ADCK5: variants seen among roughly 807,000 people sequenced by gnomAD.
ADCK5 encodes uncharacterized aarF domain-containing protein kinase 5.
A neutral mutation model predicts 64.9 loss-of-function variants in ADCK5; 43 were observed. The observed-to-expected ratio is 0.66, with a 90% CI of 0.52 to 0.85. The LOEUF (loss-of-function observed/expected upper bound fraction) is 0.85, where lower values mean the gene tolerates loss of function less well. ADCK5 is among the 40% of genes least tolerant of loss of function. ADCK5 has a pLI of 0.00. For synonymous variants in ADCK5, 434 were observed against 342.8 expected (o/e 1.27, Z -2.94); for missense variants, 760 against 810.5 (o/e 0.94, Z 0.76).
At chr8:144,374,933 C>G (rs1385432050) in intron 1 of ADCK5, among the ~76,000 whole-genome samples, 2 of 152,244 alleles carry the variant, frequency 1.3e-5, no homozygotes, top group Non-Finnish European at 2.9e-5. Context: ...TTACCCACCC[C>G]CTTCCAGAAG....
chr8:144,383,537 C>T (rs1286319365), intron 3 of ADCK5, among the ~76,000 whole-genome samples: 1 of 152,166 alleles, frequency 6.6e-6, no homozygotes, highest in Non-Finnish European at 1.5e-5. Flanking sequence ...GCGCTCCAGC[C>T]CTGGGCCCGT....
chr8:144,377,999 C>T (rs1346369411), intron 1 of ADCK5, among the ~76,000 whole-genome samples: 4 of 152,166 alleles, frequency 2.6e-5, no homozygotes, highest in Non-Finnish European at 4.4e-5. Context: ...TGGGTCCCAT[C>T]CCAGATGAGC....
intron 2 of ADCK5, among the ~76,000 whole-genome samples, chr8:144,381,201 A>G (rs1208582600): frequency 2.0e-5 from 3 of 147,570 alleles, no homozygotes; most frequent in Non-Finnish European, 4.5e-5. Context: ...ACTCAGGATT[A>G]TGGGCCGGGT....
rs372812691 is a variant in ADCK5 at position 144,392,040 on chromosome 8, G to A, written c.1096+18G>A. 49 of 1,612,602 alleles carry A rather than the reference G, an allele frequency of 3.0e-5. No individual in the cohort carries two copies. Among genetic ancestry groups the A allele is most frequent in the Non-Finnish European group, 4.0e-5 (47 of 1,180,000 alleles). On this transcript the variant is annotated intron_variant, in intron 10 of 14. Coordinates refer to ENST00000308860, the MANE Select transcript of ADCK5 (RefSeq NM_174922.5). ...TGGCAACGGTAGGAATTTACCCCAG[G>A]GGTGGGGGTCTCAGGGTGGGCGCAG...
rs1295291719 is a variant in ADCK5 at position 144,391,880 on chromosome 8, G to A, written c.1014+14G>A. On this transcript the variant is annotated intron_variant, in intron 9 of 14. Coordinates refer to ENST00000308860, the MANE Select transcript of ADCK5 (RefSeq NM_174922.5). ...GCAGTGCATGACGTGAGTGCGGGGG[G>A]GCGGGGGCGGGTCAGGGCGGGCTGG... The A allele has an allele frequency of 6.3e-7, 1 of 1,597,556 alleles. No individual in the cohort carries two copies. Among genetic ancestry groups the A allele is most frequent in the Non-Finnish European group, 8.5e-7 (1 of 1,174,962 alleles).
In ADCK5 at chr8:144,392,181, G is replaced by A; in HGVS notation, c.1175+11G>A. 6.5e-7 allele frequency: 1 copy of A among 1,550,356 alleles called. No homozygotes were observed. The highest frequency in any genetic ancestry group is 8.7e-7 in the Non-Finnish European group (1 of 1,151,454). ...GTTCCTGGAGGAGAAGTGAGCGCGG[G>A]TGGGTGGGCGTGGGGCAGGGCAAGC... On this transcript the variant is annotated intron_variant, in intron 11 of 14. Transcript: ENST00000308860.
In ADCK5 at chr8:144,392,809, C is replaced by T; in HGVS notation, c.1554C>T (p.Ala518=). The T allele has an allele frequency of 6.3e-7, 1 of 1,592,562 alleles. No homozygotes were observed. The highest frequency in any genetic ancestry group is 8.5e-7 in the Non-Finnish European group (1 of 1,174,014). The change falls in exon 14 of 15, where the codon GCC becomes GCT. Residue 518 remains alanine (A), a synonymous_variant. Transcript: ENST00000308860. ...GGGGCTGGAGCCGCCTGGCGGGCGC[C>T]ACGTATCGGGGTGTCTACGGCACCA... ...AVRGWSRLAG[A]TYRGVYGTSL... is the part of the protein sequence containing the mutation.
intron 3 of ADCK5, among the ~76,000 whole-genome samples, chr8:144,387,709 C>T (rs1350359821): frequency 6.7e-6 from 1 of 149,828 alleles, no homozygotes; most frequent in Non-Finnish European, 1.5e-5. Context: ...CTGGCCTCCA[C>T]CCAGCAGTTT....
At chr8:144,379,859 AT>A (rs1346714738) in intron 2 of ADCK5, among the ~76,000 whole-genome samples, 13 of 152,130 alleles carry the variant, frequency 8.5e-5, no homozygotes, top group African/African-American at 1.2e-4. Context: ...ATGTGGAGGG[AT>A]GGGTCTGAGC....
rs1819391037 is a variant in ADCK5, at chr8:144,376,947, TAA to T, written c.13-2439_13-2438del. ...TTTCTGTCAACCCGCCCTCTAGGGA[TAA>T]GAGGTCATGGACTTTTCCCTTTGGC... On this transcript the variant is annotated intron_variant, in intron 1 of 14. Coordinates refer to ENST00000308860, the MANE Select transcript of ADCK5 (RefSeq NM_174922.5). The surrounding 1 kb of genome is among the most constrained non-coding windows in gnomAD (Gnocchi z 5.1). 1.3e-5 allele frequency among the ~76,000 whole-genome samples: 2 copies of T among 152,252 alleles called. No homozygotes were observed. The highest frequency in any genetic ancestry group is 2.9e-5 in the Non-Finnish European group (2 of 68,040).
At chr8:144,379,264 A>T in intron 1 of ADCK5, 123 bp from the exon 2 acceptor site, 2 of 606,882 alleles carry the variant, frequency 3.3e-6, no homozygotes, top group Non-Finnish European at 5.5e-6. Context: ...GTGAGAATGG[A>T]CTCACACATT....
chr8:144,373,930 C>A (rs574667270), upstream of ADCK5: 55 of 791,910 alleles, frequency 6.9e-5, no homozygotes, highest in African/African-American at 6.3e-4. Flanking sequence ...GCTGCCCCGC[C>A]GCGGAGGCCG....
At chr8:144,379,243 T>G (rs1819497573) in intron 1 of ADCK5, 144 bp from the exon 2 acceptor site, 1 of 528,788 alleles carries the variant, frequency 1.9e-6, no homozygotes, top group Admixed American at 3.7e-5. Flanking sequence ...TGGGTAGTTC[T>G]TTAGAGCAGT....
chr8:144,390,293 A>AT (rs567343049), intron 3 of ADCK5, among the ~76,000 whole-genome samples: 94 of 152,144 alleles, frequency 6.2e-4, no homozygotes, highest in Non-Finnish European at 1.0e-3. Flanking sequence ...TGCCTGCCTA[A>AT]TTTTTTTGCA....
At chr8:144,381,830 C>G (rs375955314) in intron 2 of ADCK5, among the ~76,000 whole-genome samples, 6 of 7,420 alleles carry the variant, frequency 8.1e-4, no homozygotes, top group African/African-American at 7.8e-4. Context: ...GTGCTCAGGC[C>G]CCTGCTGCAC....
intron 3 of ADCK5, among the ~76,000 whole-genome samples, chr8:144,385,186 C>CTT (rs75146415): frequency 9.4e-5 from 13 of 138,168 alleles, no homozygotes; most frequent in Non-Finnish European, 9.5e-5. Flanking sequence ...CTTACATTTT[C>CTT]TTTTTTTTTT....
chr8:144,373,412 G>C (rs1400421902), upstream of ADCK5, among the ~76,000 whole-genome samples: 1 of 152,248 alleles, frequency 6.6e-6, no homozygotes, highest in Non-Finnish European at 1.5e-5. Context: ...AGCCAGGGCT[G>C]TCACAGAGTG....
chr8:144,381,101 G>C, intron 2 of ADCK5, among the ~76,000 whole-genome samples: 1 of 148,642 alleles, frequency 6.7e-6, no homozygotes, highest in Non-Finnish European at 1.5e-5. Context: ...TTATGGGCCG[G>C]GTGTAGAAAC....
Position 144,384,909 on chromosome 8 carries a change from C to G in ADCK5, c.266+1679C>G, listed in dbSNP as rs1470949647. On this transcript the variant is annotated intron_variant, in intron 3 of 14. Coordinates refer to ENST00000308860, the MANE Select transcript of ADCK5 (RefSeq NM_174922.5). The surrounding 1 kb of genome is among the most constrained non-coding windows in gnomAD (Gnocchi z 5.7). ...CGTTCTCCTTGGCTCTAAGCCGTCACGGTTGCATAGACAAGCAGGCCTGTG... is the reference window on the plus strand; with the variant it reads ...CGTTCTCCTTGGCTCTAAGCCGTCAGGGTTGCATAGACAAGCAGGCCTGTG... Among the ~76,000 whole-genome samples the G allele has an allele frequency of 6.6e-6, 1 of 152,310 alleles. No individual in the cohort carries two copies. Among genetic ancestry groups the G allele is most frequent in the Non-Finnish European group, 1.5e-5 (1 of 68,032 alleles).
Sources: allele counts gnomAD v4.1 joint callset (sites outside exome capture counted in the v4.1 genomes callset), GRCh38; gene constraint gnomAD v4.1.1; non-coding constraint Gnocchi (gnomAD v3.1); transcripts MANE v1.5; gene names NCBI Gene and HGNC (gene_info 2026-07-23, HGNC 2026-07-21).